Variants in UBAP2 observed in about 807,000 individuals in gnomAD.
UBAP2 encodes ubiquitin-associated protein 2.
A neutral mutation model predicts 139.6 loss-of-function variants in UBAP2; 75 were observed. The ratio of observed to expected loss-of-function variants is 0.54; its 90% CI spans 0.45 to 0.65. The LOEUF (loss-of-function observed/expected upper bound fraction) is 0.65. Among genes scored for constraint, UBAP2 ranks in the 30% least tolerant of loss-of-function variants. The pLI is 0.00. For synonymous variants in UBAP2, 526 were observed against 526.2 expected (o/e 1.00, Z 0.01); for missense variants, 1,368 against 1,369.6 (o/e 1.00, Z 0.02).
intron 24 of UBAP2, 152 bp downstream of exon 24, chr9:33,923,643 G>C: frequency 9.5e-7 from 1 of 1,049,956 alleles, no homozygotes; most frequent in Non-Finnish European, 1.4e-6. Context: ...CAGGGGAAAA[G>C]TGACCTTGTC....
At chr9:34,017,224 A>G in intron 1 of UBAP2, 35 bp from the exon 2 acceptor site, 1 of 968,240 alleles carries the variant, frequency 1.0e-6, no homozygotes. Context: ...CAAAACAATC[A>G]TAGTAAAAGA....
At chr9:33,993,378 T>C (rs1433794487) in intron 4 of UBAP2, among the ~76,000 whole-genome samples, 2 of 152,190 alleles carry the variant, frequency 1.3e-5, no homozygotes, top group Non-Finnish European at 2.9e-5. Context: ...GTGCTGCAGA[T>C]GGCAACTAGG....
intron 1 of UBAP2, among the ~76,000 whole-genome samples, chr9:34,042,322 C>CA (rs765534905): frequency 1.4e-5 from 2 of 147,228 alleles, no homozygotes; most frequent in Non-Finnish European, 3.0e-5. Context: ...ACCAAAAATA[C>CA]AAAAAATTAG....
At chr9:34,000,866 C>T (rs1465545098) in intron 2 of UBAP2, among the ~76,000 whole-genome samples, 4 of 152,218 alleles carry the variant, frequency 2.6e-5, no homozygotes, top group Admixed American at 2.0e-4. Context: ...GCTGAGACCT[C>T]AGTTTAACTG....
chr9:33,971,622 C>T (rs1827922568), intron 8 of UBAP2, 29 bp downstream of exon 8: 3 of 1,284,922 alleles, frequency 2.3e-6, no homozygotes, highest in African/African-American at 1.5e-5. Flanking sequence ...ACATTTAAAA[C>T]TCATCTCTGG....
At chr9:33,930,895 CAA>C (rs57202118) in intron 19 of UBAP2, among the ~76,000 whole-genome samples, 302 of 73,176 alleles carry the variant, frequency 4.1e-3, no homozygotes, top group Non-Finnish European at 5.6e-3. Flanking sequence ...GACTGCATCT[CAA>C]AAAAAAAAAA....
intron 12 of UBAP2, among the ~76,000 whole-genome samples, chr9:33,952,416 C>T (rs1826179745): frequency 6.6e-6 from 1 of 152,080 alleles, no homozygotes; most frequent in Admixed American, 6.5e-5. Flanking sequence ...GTCAGTCATA[C>T]AGTACTAAAT....
At chr9:33,974,248 CTGGAATCCCAGCACTT>C (rs1448617055) in intron 6 of UBAP2, among the ~76,000 whole-genome samples, 15 of 152,178 alleles carry the variant, frequency 9.9e-5, no homozygotes, top group African/African-American at 3.6e-4. Flanking sequence ...TGGCTCATGC[CTGGAATCCCAGCACTT>C]TGGAACACCG....
At chr9:34,039,151 C>T (rs979152884) in intron 1 of UBAP2, among the ~76,000 whole-genome samples, 4 of 149,856 alleles carry the variant, frequency 2.7e-5, no homozygotes, top group African/African-American at 7.4e-5. Context: ...AGGTGGGGGG[C>T]AGCCTCCGCC....
chr9:33,961,169 C>G (rs146665997), intron 9 of UBAP2, among the ~76,000 whole-genome samples: 28 of 152,268 alleles, frequency 1.8e-4, no homozygotes, highest in African/African-American at 6.7e-4. Flanking sequence ...CAATATAGGT[C>G]ACATCCAAGC....
intron 2 of UBAP2, among the ~76,000 whole-genome samples, chr9:34,012,004 T>C (rs925990174): frequency 4.1e-5 from 6 of 148,036 alleles, no homozygotes; most frequent in African/African-American, 1.5e-4. Context: ...ACATTAACAG[T>C]CTACTAAGCC....
At chr9:33,955,985 TAGAA>T (rs1826529389) in intron 11 of UBAP2, 90 bp downstream of exon 11, 2 of 974,416 alleles carry the variant, frequency 2.1e-6, no homozygotes, top group East Asian at 5.0e-5. Context: ...AGGGAAAAAA[TAGAA>T]AGAGACCCAA....
intron 16 of UBAP2, among the ~76,000 whole-genome samples, chr9:33,937,997 GTTT>G (rs958459265): frequency 6.6e-6 from 1 of 151,914 alleles, no homozygotes; most frequent in Non-Finnish European, 1.5e-5. Flanking sequence ...GGTTTCTTTT[GTTT>G]TTTTGTTTTT....
At chr9:34,034,278 A>ATATTAT (rs1826135730) in intron 1 of UBAP2, among the ~76,000 whole-genome samples, 1 of 152,214 alleles carries the variant, frequency 6.6e-6, no homozygotes, top group Non-Finnish European at 1.5e-5. Flanking sequence ...TTTTCATTAT[A>ATATTAT]GTTCTTCAAC....
At chr9:33,932,811 G>T (rs1177386436) in intron 18 of UBAP2, among the ~76,000 whole-genome samples, 183 bp from the exon 19 acceptor site, 4 of 152,210 alleles carry the variant, frequency 2.6e-5, no homozygotes, top group Non-Finnish European at 5.9e-5. Flanking sequence ...GGACGGGAAT[G>T]ACTCGCCATG....
chr9:34,001,811 C>T (rs1391855736), intron 2 of UBAP2, among the ~76,000 whole-genome samples: 1 of 152,068 alleles, frequency 6.6e-6, no homozygotes, highest in Non-Finnish European at 1.5e-5. Flanking sequence ...TAGCCTTGTT[C>T]CAATCCAAGC....
At chr9:33,976,162 G>A (rs976319112) in intron 6 of UBAP2, among the ~76,000 whole-genome samples, 11 of 152,138 alleles carry the variant, frequency 7.2e-5, no homozygotes, top group Admixed American at 7.2e-4. Context: ...TTAGCTCTAA[G>A]AAGAAAACTT....
At chr9:33,972,222 T>C (rs1587589463) in intron 7 of UBAP2, among the ~76,000 whole-genome samples, 1 of 152,246 alleles carries the variant, frequency 6.6e-6, no homozygotes, top group South Asian at 2.1e-4. Flanking sequence ...CCTCTATTTC[T>C]TTTCAATAAA....
chr9:34,038,522 T>C (rs925191006), intron 1 of UBAP2, among the ~76,000 whole-genome samples: 3 of 152,154 alleles, frequency 2.0e-5, no homozygotes, highest in African/African-American at 4.8e-5. Context: ...TAACCGCGAG[T>C]GATCTGCCAG....
Sources: gnomAD v4.1 joint callset for allele counts (sites outside exome capture counted in the v4.1 genomes callset) on GRCh38, gnomAD v4.1.1 for gene constraint, MANE v1.5 for transcripts, NCBI Gene and HGNC (gene_info 2026-07-23, HGNC 2026-07-21) for gene names.